STARD10: variants seen among roughly 807,000 people sequenced by gnomAD.
The protein encoded by STARD10 is StAR related lipid transfer domain containing 10, also known as START domain-containing protein 10.
STARD10 carries 24 observed loss-of-function variants against 36.0 expected under a neutral mutation model. The observed-to-expected ratio is 0.67, with a 90% CI of 0.48 to 0.94. The LOEUF (loss-of-function observed/expected upper bound fraction) is 0.94, where lower values mean the gene tolerates loss of function less well. STARD10 is among the 40% of genes least tolerant of loss of function. The pLI is 0.00. For missense variants in STARD10, 335 were observed against 396.6 expected, an observed-to-expected ratio of 0.84 and a Z score of 1.32; for synonymous variants, 156 against 161.9, an observed-to-expected ratio of 0.96 and a Z score of 0.28.
rs773789120 is a variant in STARD10, at chr11:72,754,955, T to C, written c.818A>G (p.Glu273Gly). The C allele has an allele frequency of 2.5e-6, 4 of 1,608,388 alleles. No homozygotes were observed. Among genetic ancestry groups the C allele is most frequent in the Non-Finnish European group, 1.7e-6 (2 of 1,179,094 alleles). Residue 273 changes from glutamate (E) to glycine (G), a missense_variant, in exon 7 of 7, where the codon GAG (glutamate) becomes GGG (glycine). Physicochemically the swap from Glu to Gly is moderately conservative, Grantham distance 98. Coordinates refer to ENST00000334805, the MANE Select transcript of STARD10 (RefSeq NM_006645.3). ...GCCGCCCGCGCCGCCCATCCGCTCC[T>C]CTCTGCTCTCGGCCACCGCGCTCTC... ...IDESAVAESREERMGGAGGEG... is the reference protein window; with the variant it reads ...IDESAVAESRGERMGGAGGEG...
intron 6 of STARD10, 21 bp downstream of exon 6, chr11:72,755,680 C>T (rs1858634580): frequency 6.2e-7 from 1 of 1,613,596 alleles, no homozygotes; most frequent in African/African-American, 1.3e-5. Context: ...CACCCCTCCC[C>T]AAAATCCCAA....
At chr11:72,780,752 G>A in intron 2 of STARD10, 1 of 583,634 alleles carries the variant, frequency 1.7e-6, no homozygotes, top group South Asian at 2.0e-5. Context: ...GGTTCCAGCT[G>A]AGAGAGGCAG....
chr11:72,793,688 C>T lies in STARD10; in HGVS notation c.-927G>A, dbSNP rs1185498736. The T allele has an allele frequency of 6.6e-6, 1 of 152,278 alleles. No individual in the cohort carries two copies. Among genetic ancestry groups the T allele is most frequent in the Non-Finnish European group, 1.5e-5 (1 of 68,054 alleles). The allele number at this position is 152,278 out of a possible 1,614,324, so 9.4% of individuals were successfully genotyped here. On this transcript the variant is annotated 5_prime_UTR_variant, in exon 1 of 7. Transcript: ENST00000334805. ...CGCTCAGGCGCCCCCACGTGTCGAT[C>T]CCGAGACTCTCGGCTTGCGCAGGCG...
chr11:72,791,766 A>G (rs1001398096), intron 1 of STARD10, among the ~76,000 whole-genome samples: 4 of 152,070 alleles, frequency 2.6e-5, no homozygotes, highest in Admixed American at 2.0e-4. Context: ...AAAAACAGAA[A>G]TGATAAGTGA....
chr11:72,759,905 T>G (rs905294637), intron 2 of STARD10, among the ~76,000 whole-genome samples: 8 of 152,192 alleles, frequency 5.3e-5, no homozygotes, highest in Non-Finnish European at 1.0e-4. Flanking sequence ...ACAAACATCT[T>G]TGGATTTTTT....
At chr11:72,782,970 T>G (rs912444375) in intron 1 of STARD10, among the ~76,000 whole-genome samples, 2 of 152,200 alleles carry the variant, frequency 1.3e-5, no homozygotes, top group Admixed American at 1.3e-4. Context: ...TGTGCCCCGC[T>G]GCCTCCTCCT....
chr11:72,790,832 G>A (rs1212920942), intron 1 of STARD10, among the ~76,000 whole-genome samples: 2 of 152,240 alleles, frequency 1.3e-5, no homozygotes, highest in East Asian at 3.9e-4. Context: ...AGGAGGAGAT[G>A]GGGACATGGG....
chr11:72,770,576 G>A (rs534969022), intron 2 of STARD10, among the ~76,000 whole-genome samples: 105 of 152,176 alleles, frequency 6.9e-4, no homozygotes, highest in African/African-American at 2.4e-3. Context: ...TTACTCCCTG[G>A]ACCTGAAAGC....
At chr11:72,766,723 A>G (rs1236816849) in intron 2 of STARD10, among the ~76,000 whole-genome samples, 1 of 152,166 alleles carries the variant, frequency 6.6e-6, no homozygotes, top group Non-Finnish European at 1.5e-5. Flanking sequence ...CCCAAGACCC[A>G]GGGAGATGGT....
At chr11:72,771,613 C>T (rs1243661069) in intron 2 of STARD10, among the ~76,000 whole-genome samples, 3 of 152,132 alleles carry the variant, frequency 2.0e-5, no homozygotes, top group African/African-American at 7.2e-5. Context: ...CCGCCGCTCT[C>T]CATGCAGGGC....
chr11:72,757,504 G>C (rs1013099072), intron 5 of STARD10, among the ~76,000 whole-genome samples: 1 of 152,264 alleles, frequency 6.6e-6, no homozygotes, highest in Non-Finnish European at 1.5e-5. Flanking sequence ...CCAGTGAGCA[G>C]GGAACAAGGC....
intron 2 of STARD10, among the ~76,000 whole-genome samples, chr11:72,770,375 G>A (rs1285379507): frequency 5.9e-5 from 9 of 152,206 alleles, no homozygotes; most frequent in African/African-American, 1.4e-4. Context: ...GTGCCATCGC[G>A]CCCGGCTAAT....
At chr11:72,772,895 C>G (rs1236454434) in intron 2 of STARD10, among the ~76,000 whole-genome samples, 3 of 152,146 alleles carry the variant, frequency 2.0e-5, no homozygotes, top group Non-Finnish European at 4.4e-5. Context: ...TACCGTCCCC[C>G]AACCATGCTG....
intron 2 of STARD10, among the ~76,000 whole-genome samples, chr11:72,771,647 C>T (rs74319385): frequency 0.014 from 2,095 of 152,236 alleles, 52 homozygotes; most frequent in African/African-American, 0.048. Flanking sequence ...CCTGCTCTGC[C>T]TCTTTCCCCC....
chr11:72,791,026 C>T (rs539735858), intron 1 of STARD10, among the ~76,000 whole-genome samples: 6 of 152,370 alleles, frequency 3.9e-5, no homozygotes, highest in South Asian at 2.1e-4. Context: ...ATGCTTACCA[C>T]GGGCCTGGTG....
intron 2 of STARD10, among the ~76,000 whole-genome samples, chr11:72,771,536 G>A (rs923661808): frequency 4.6e-5 from 7 of 152,158 alleles, no homozygotes; most frequent in Non-Finnish European, 4.4e-5. Context: ...AGACTGTAGT[G>A]GAGAGTAGAG....
chr11:72,790,056 G>A (rs552335169), intron 1 of STARD10, among the ~76,000 whole-genome samples: 2 of 152,264 alleles, frequency 1.3e-5, no homozygotes, highest in East Asian at 1.9e-4. Context: ...GCAGCCACAC[G>A]CACACCAAGG....
chr11:72,759,513 A>G, intron 2 of STARD10, 132 bp from the exon 3 acceptor site: 5 of 1,105,944 alleles, frequency 4.5e-6, no homozygotes, highest in Non-Finnish European at 6.5e-6. Flanking sequence ...TGAAACCAGC[A>G]TGGACTTCCT....
Position 72,754,900 on chromosome 11 carries a change from G to C in STARD10, c.873C>G (p.Thr291=). 1 of 1,598,026 alleles carries C rather than the reference G, an allele frequency of 6.3e-7. No individual in the cohort carries two copies. The highest frequency in any genetic ancestry group is 1.3e-5 in the African/African-American group (1 of 74,936). ...GEGSDDDTSL[T] The stretch of plus-strand genomic sequence containing the variant: ...CGTCCCTGAAGCGGTGCGGCGCTCA[G>C]GTGAGCGAGGTGTCGTCGTCGCTGC... Residue 291 remains threonine, a synonymous_variant, in exon 7 of 7, where the codon ACC becomes ACG. Coordinates refer to ENST00000334805, the MANE Select transcript of STARD10 (RefSeq NM_006645.3).
Sources: allele counts gnomAD v4.1 joint callset (sites outside exome capture counted in the v4.1 genomes callset), GRCh38; gene constraint gnomAD v4.1.1; transcripts MANE v1.5; gene names NCBI Gene and HGNC (gene_info 2026-07-23, HGNC 2026-07-21).